CSMD2: variants seen among roughly 807,000 people sequenced by gnomAD.
The protein encoded by CSMD2 is CUB and sushi domain-containing protein 2.
In CSMD2, 130 loss-of-function variants were observed where a neutral mutation model predicts 398.5. The observed-to-expected ratio is 0.33, with a 90% CI of 0.28 to 0.38. The LOEUF is 0.38. Ranked by LOEUF, CSMD2 falls within the 10% of genes least tolerant of loss-of-function variation. The probability of loss-of-function intolerance (pLI) is 1.00; values close to 1 mark genes in which losing one functional copy is unlikely to be tolerated. For missense variants in CSMD2, 3,829 were observed against 4,764.9 expected, an observed-to-expected ratio of 0.80 and a Z score of 5.78; for synonymous variants, 1,828 against 1,908.5, an observed-to-expected ratio of 0.96 and a Z score of 1.10.
intron 2 of CSMD2, among the ~76,000 whole-genome samples, chr1:34,038,042 G>C (rs970230325): frequency 6.6e-6 from 1 of 152,120 alleles, no homozygotes; most frequent in African/African-American, 2.4e-5. Flanking sequence ...CCTCAAAGGC[G>C]CTAGCTAAGG....
chr1:34,011,804 A>G (rs1230306258), intron 3 of CSMD2, among the ~76,000 whole-genome samples: 1 of 152,164 alleles, frequency 6.6e-6, no homozygotes, highest in Admixed American at 6.5e-5. Flanking sequence ...TGGGGTATCA[A>G]ATAGTAGGTC....
intron 44 of CSMD2, among the ~76,000 whole-genome samples, chr1:33,595,152 A>T (rs968164767): frequency 6.6e-6 from 1 of 152,202 alleles, no homozygotes; most frequent in Non-Finnish European, 1.5e-5. Context: ...TCAGAATCAC[A>T]TGTTGCATTT....
At chr1:34,092,650 C>A (rs79168250) in intron 1 of CSMD2, among the ~76,000 whole-genome samples, 1 of 152,132 alleles carries the variant, frequency 6.6e-6, no homozygotes, top group Non-Finnish European at 1.5e-5. Context: ...GGGTGACGGA[C>A]GGCACCTGGA....
At chr1:33,576,306 A>G (rs1660066825) in intron 49 of CSMD2, among the ~76,000 whole-genome samples, 1 of 152,194 alleles carries the variant, frequency 6.6e-6, no homozygotes, top group Non-Finnish European at 1.5e-5. Context: ...TATTAACAAT[A>G]GAGTCCAGGC....
intron 2 of CSMD2, among the ~76,000 whole-genome samples, chr1:34,080,921 GGAAAGAAAGAAAGAAAGAAA>G (rs10522397): frequency 0.066 from 8,199 of 125,152 alleles, 285 homozygotes; most frequent in Non-Finnish European, 0.081. Flanking sequence ...CTAACTGAGT[GGAAAGAAAGAAAGAAAGAAA>G]GAAAGAAAGA....
chr1:33,669,074 G>C (rs1284523699), intron 25 of CSMD2, among the ~76,000 whole-genome samples: 1 of 152,240 alleles, frequency 6.6e-6, no homozygotes, highest in African/African-American at 2.4e-5. Flanking sequence ...GCAGTTGAGA[G>C]TGTATTCTCA....
intron 1 of CSMD2, among the ~76,000 whole-genome samples, chr1:34,128,564 G>A (rs1571208594): frequency 6.6e-6 from 1 of 152,200 alleles, no homozygotes; most frequent in East Asian, 1.9e-4. Flanking sequence ...GCATAGACCT[G>A]TCTTGCTGAG....
At chr1:33,785,703 G>A (rs1653447165) in intron 12 of CSMD2, among the ~76,000 whole-genome samples, 1 of 152,160 alleles carries the variant, frequency 6.6e-6, no homozygotes, top group African/African-American at 2.4e-5. Context: ...TCCTACCATG[G>A]AGGTCCCTGG....
At chr1:33,765,577 T>A (rs574018242) in intron 13 of CSMD2, among the ~76,000 whole-genome samples, 9 of 152,326 alleles carry the variant, frequency 5.9e-5, no homozygotes, top group South Asian at 4.1e-4. Context: ...AATTATATTT[T>A]AAAAAATCAA....
At chr1:33,880,937 AG>A (rs1445088950) in intron 5 of CSMD2, among the ~76,000 whole-genome samples, 14 of 152,218 alleles carry the variant, frequency 9.2e-5, no homozygotes, top group Admixed American at 9.2e-4. Flanking sequence ...ACAAGGAGAA[AG>A]GTAATTACTG....
intron 1 of CSMD2, among the ~76,000 whole-genome samples, chr1:34,142,292 G>A (rs1253877551): frequency 6.6e-6 from 1 of 152,106 alleles, no homozygotes; most frequent in Admixed American, 6.5e-5. Flanking sequence ...CTCATCCAGA[G>A]ATGAACGGTC....
rs555901591 is a variant in CSMD2, at chr1:33,626,236, G to GA, written c.5296+249dup. On this transcript the variant is annotated intron_variant, in intron 33 of 70. Coordinates refer to ENST00000373381, the MANE Select transcript of CSMD2 (RefSeq NM_001281956.2). Reference sequence around the variant, plus strand: ...AGACAATGGGTGGAGTGGGGAAGGGGAAAAAACTGGCTGCCTTTGTCTGAT... The same window carrying GA: ...AGACAATGGGTGGAGTGGGGAAGGGGAAAAAAACTGGCTGCCTTTGTCTGAT... Among the ~76,000 whole-genome samples, 8 of 152,292 alleles carry GA rather than the reference G, an allele frequency of 5.3e-5. No individual in the cohort carries two copies. The East Asian group carries it at 9.6e-4, about 18-fold the overall frequency.
chr1:34,157,579 C>A (rs376071655), intron 1 of CSMD2, among the ~76,000 whole-genome samples: 1 of 149,230 alleles, frequency 6.7e-6, no homozygotes, highest in South Asian at 2.1e-4. Flanking sequence ...TCCCATCCCA[C>A]CCCAGTGTCT....
chr1:33,632,184 G>T (rs1642502254), intron 32 of CSMD2, among the ~76,000 whole-genome samples: 1 of 151,978 alleles, frequency 6.6e-6, no homozygotes, highest in African/African-American at 2.4e-5. Flanking sequence ...GCAGTGTGAT[G>T]AAACTAAGAA....
rs908245191 is a variant in CSMD2 at position 33,544,676 on chromosome 1, G to T, written c.9100+1361C>A. ...CTGGGAAGGGTGAGTCAGGGGAGGG[G>T]GAGGATGAAGAGAAGTGGGTTAAAG... On this transcript the variant is annotated intron_variant, in intron 57 of 70. Transcript: ENST00000373381. Among the ~76,000 whole-genome samples the T allele has an allele frequency of 2.0e-5, 3 of 151,968 alleles. 1 individual carries two copies. Among genetic ancestry groups the T allele is most frequent in the Non-Finnish European group, 4.4e-5 (3 of 67,974 alleles).
chr1:33,956,255 A>G (rs959511284), intron 3 of CSMD2, among the ~76,000 whole-genome samples: 3 of 151,668 alleles, frequency 2.0e-5, no homozygotes, highest in African/African-American at 7.3e-5. Flanking sequence ...CATCACCACT[A>G]TCCATCCACA....
At chr1:33,734,859 G>T (rs1316032712) in intron 15 of CSMD2, among the ~76,000 whole-genome samples, 12 of 151,194 alleles carry the variant, frequency 7.9e-5, no homozygotes, top group Admixed American at 7.2e-4. Flanking sequence ...TTTTTTGTGT[G>T]TATTTCTTGT....
intron 6 of CSMD2, among the ~76,000 whole-genome samples, chr1:33,827,488 T>A (rs1658964090): frequency 6.6e-6 from 1 of 152,192 alleles, no homozygotes; most frequent in Non-Finnish European, 1.5e-5. Flanking sequence ...AAACACCATT[T>A]CTTCACTGAG....
intron 29 of CSMD2, among the ~76,000 whole-genome samples, chr1:33,642,856 C>T (rs1302485325): frequency 2.0e-5 from 3 of 152,134 alleles, no homozygotes; most frequent in Non-Finnish European, 2.9e-5. Flanking sequence ...TTCTACCAAA[C>T]TGTTTCTGCT....
Sources: allele counts gnomAD v4.1 joint callset (sites outside exome capture counted in the v4.1 genomes callset), GRCh38; gene constraint gnomAD v4.1.1; transcripts MANE v1.5; gene names NCBI Gene and HGNC (gene_info 2026-07-23, HGNC 2026-07-21).